Variants in SLC29A4 observed in about 807,000 individuals in gnomAD.
The protein encoded by SLC29A4 is equilibrative nucleoside transporter 4.
SLC29A4 carries 36 observed loss-of-function variants against 43.9 expected under a neutral mutation model. The ratio of observed to expected loss-of-function variants is 0.82; its 90% CI spans 0.63 to 1.08. The LOEUF is 1.08. Among genes scored for constraint, SLC29A4 ranks in the 50% least tolerant of loss-of-function variants. The pLI, the probability that SLC29A4 is intolerant of heterozygous loss-of-function variation, is 0.00. For missense variants in SLC29A4, 869 were observed against 755.3 expected (o/e 1.15, Z -1.77); for synonymous variants, 491 against 338.0 (o/e 1.45, Z -4.97).
At chr7:5,300,259 G>A (rs1185545260) in intron 9 of SLC29A4, among the ~76,000 whole-genome samples, 163 bp from the exon 10 acceptor site, 1 of 152,080 alleles carries the variant, frequency 6.6e-6, no homozygotes, top group Non-Finnish European at 1.5e-5. Context: ...AGTGGAATTT[G>A]GGGGGCTTTT....
intron 6 of SLC29A4, 128 bp from the exon 7 acceptor site, chr7:5,296,808 G>GGGGCGGGGCCTGTGGGTGT: frequency 3.7e-6 from 4 of 1,082,924 alleles, no homozygotes; most frequent in Non-Finnish European, 5.0e-6. Context: ...CCTGTGGGTG[G>GGGGCGGGGCCTGTGGGTGT]GGGCAGGGCC....
chr7:5,288,298 CTTTTTTTTTTTT>C (rs34436127), intron 2 of SLC29A4, among the ~76,000 whole-genome samples: 1 of 68,756 alleles, frequency 1.5e-5, no homozygotes, highest in African/African-American at 5.9e-5. Context: ...CGTACAGCTT[CTTTTTTTTTTTT>C]TTTTTTTTTT....
At chr7:5,286,522 C>CA (rs57020511) in intron 1 of SLC29A4, among the ~76,000 whole-genome samples, 10,854 of 113,836 alleles carry the variant, frequency 0.095, 501 homozygotes, top group African/African-American at 0.17. Flanking sequence ...GACTCCATCT[C>CA]AAAAAAAAAA....
intron 6 of SLC29A4, among the ~76,000 whole-genome samples, chr7:5,295,797 C>A (rs554371949): frequency 7.5e-6 from 1 of 133,228 alleles, no homozygotes; most frequent in Non-Finnish European, 1.7e-5. Flanking sequence ...TGGTTCCTGT[C>A]GCTGGCAGGT....
intron 1 of SLC29A4, among the ~76,000 whole-genome samples, chr7:5,287,461 C>T (rs1346871599): frequency 4.0e-5 from 6 of 151,712 alleles, no homozygotes; most frequent in African/African-American, 9.7e-5. Flanking sequence ...GGTGACATTG[C>T]TTATCTGCTT....
chr7:5,303,099 C>T lies in SLC29A4; in HGVS notation c.*160C>T. 2 of 847,910 alleles carry T rather than the reference C, an allele frequency of 2.4e-6. No homozygotes were observed. The highest frequency in any genetic ancestry group is 3.6e-6 in the Non-Finnish European group (2 of 558,702). 52.5% of individuals were successfully genotyped at this position (847,910 alleles called of 1,614,324 possible). ...GGGTCCAGCCATGCCCCACCCTGGACTGAAGTTCTGCAAAGTCCTCCGAGG... is the reference window on the plus strand; with the variant it reads ...GGGTCCAGCCATGCCCCACCCTGGATTGAAGTTCTGCAAAGTCCTCCGAGG... On this transcript the variant is annotated 3_prime_UTR_variant, in exon 11 of 11. Coordinates refer to ENST00000396872, the MANE Select transcript of SLC29A4 (RefSeq NM_153247.4).
At chr7:5,294,709 TC>T (rs1785531082) in intron 5 of SLC29A4, 150 bp from the exon 6 acceptor site, 4 of 786,880 alleles carry the variant, frequency 5.1e-6, no homozygotes, top group Admixed American at 1.8e-5. Context: ...TGGCTGGTGT[TC>T]CTACTGCTGC....
At chr7:5,287,677 G>T (rs1317838018) in intron 1 of SLC29A4, 132 bp from the exon 2 acceptor site, 4 of 871,736 alleles carry the variant, frequency 4.6e-6, no homozygotes, top group Non-Finnish European at 6.9e-6. Context: ...GTGAGGCATA[G>T]CTTGCTTTGG....
At chr7:5,286,124 C>A (rs149195444) in intron 1 of SLC29A4, among the ~76,000 whole-genome samples, 251 of 152,304 alleles carry the variant, frequency 1.6e-3, no homozygotes, top group Non-Finnish European at 2.6e-3. Flanking sequence ...GAAACTGAGG[C>A]ACTACATTCA....
intron 2 of SLC29A4, 81 bp from the exon 3 acceptor site, chr7:5,290,651 G>T: frequency 6.5e-7 from 1 of 1,527,966 alleles, no homozygotes; most frequent in Non-Finnish European, 8.9e-7. Context: ...GATGGCGGCC[G>T]GGGTGGTGGA....
chr7:5,302,234 A>C (rs948277965), intron 10 of SLC29A4, among the ~76,000 whole-genome samples: 1 of 152,176 alleles, frequency 6.6e-6, no homozygotes, highest in African/African-American at 2.4e-5. Flanking sequence ...TATAGGTGTC[A>C]GCCACCATAC....
chr7:5,286,344 G>A (rs1309715378), intron 1 of SLC29A4, among the ~76,000 whole-genome samples: 2 of 151,964 alleles, frequency 1.3e-5, no homozygotes, highest in Non-Finnish European at 2.9e-5. Context: ...CCAACATGGT[G>A]AAACGCCATC....
rs1462838588 is a variant in SLC29A4 at position 5,287,805 on chromosome 7, G to T, written c.-8-4G>T. On this transcript the variant is annotated splice_polypyrimidine_tract_variant and splice_region_variant and intron_variant, in intron 1 of 10. Transcript: ENST00000396872. The stretch of plus-strand genomic sequence containing the variant: ...ACCTGCTCTCTCTGCTTTCTCCAAA[G>T]CAGAGGCTGCCATGGGCTCCGTGGG... 1 of 1,610,056 alleles carries T rather than the reference G, an allele frequency of 6.2e-7. No individual in the cohort carries two copies. The highest frequency in any genetic ancestry group is 1.7e-5 in the Admixed American group (1 of 59,606).
chr7:5,291,254 C>T lies in SLC29A4; in HGVS notation c.415+17C>T, dbSNP rs1266703889. The T allele has an allele frequency of 1.9e-6, 3 of 1,604,358 alleles. No homozygotes were observed. In the South Asian group the frequency reaches 3.3e-5, roughly 18 times the overall value. ...TCACCGCAGGTGCGCTGGGCCCCGC[C>T]ACGGGACACCTGCCTGTCATGGCTT... On this transcript the variant is annotated intron_variant, in intron 4 of 10. Transcript: ENST00000396872.
At chr7:5,302,645 C>T (rs1305698101) in intron 10 of SLC29A4, 152 bp from the exon 11 acceptor site, 17 of 726,456 alleles carry the variant, frequency 2.3e-5, no homozygotes, top group East Asian at 5.5e-5. Context: ...GGACAGGATC[C>T]GGAGAGGGTG....
At position 5,305,211 on chromosome 7, in the gene SLC29A4, G is replaced by C. The variant is rs913105757; in HGVS notation, c.*2272G>C. ...ACGAGGGCCACCTATGCTCTGGCAG[G>C]CATCCTCCCTGGGGCCCAGGTGGGC... On this transcript the variant is annotated 3_prime_UTR_variant, in exon 11 of 11. Transcript: ENST00000396872. The C allele has an allele frequency of 1.3e-5, 2 of 152,418 alleles. No homozygotes were observed. Among genetic ancestry groups the C allele is most frequent in the African/African-American group, 4.8e-5 (2 of 41,472 alleles). The allele number at this position is 152,418 out of a possible 1,614,324, so 9.4% of individuals were successfully genotyped here.
In SLC29A4 at chr7:5,287,791, C is replaced by G. The variant is rs1269778172; in HGVS notation, c.-8-18C>G. ...AGCCTTCTTCCCTCACCTGCTCTCT[C>G]TGCTTTCTCCAAAGCAGAGGCTGCC... On this transcript the variant is annotated intron_variant, in intron 1 of 10. Coordinates refer to ENST00000396872, the MANE Select transcript of SLC29A4 (RefSeq NM_153247.4). 6.2e-7 allele frequency: 1 copy of G among 1,606,730 alleles called. No homozygotes were observed.
At chr7:5,287,067 TCTC>T (rs974010779) in intron 1 of SLC29A4, among the ~76,000 whole-genome samples, 16 of 152,072 alleles carry the variant, frequency 1.1e-4, no homozygotes, top group African/African-American at 3.9e-4. Context: ...TCTGAGCCAT[TCTC>T]CTCCCCTCTG....
At position 5,299,679 on chromosome 7, in the gene SLC29A4, C is replaced by T. The variant is rs185906857; in HGVS notation, c.1209+252C>T. The stretch of plus-strand genomic sequence containing the variant: ...GCGTGGCCCTCACCCTCTCGCCTCA[C>T]GATCACAGGTCCCCTGGGGATGAGC... On this transcript the variant is annotated intron_variant, in intron 9 of 10. Transcript: ENST00000396872. 4.9e-3 allele frequency among the ~76,000 whole-genome samples: 742 copies of T among 152,328 alleles called. 4 individuals are homozygous for T. The highest frequency in any genetic ancestry group is 0.013 in the African/African-American group (521 of 41,578).
Sources: allele counts gnomAD v4.1 joint callset (sites outside exome capture counted in the v4.1 genomes callset), GRCh38; gene constraint gnomAD v4.1.1; transcripts MANE v1.5; gene names NCBI Gene and HGNC (gene_info 2026-07-23, HGNC 2026-07-21).